The following GRAMD1C variants were observed in gnomAD, a reference collection of about 807,000 sequenced individuals.
The protein encoded by GRAMD1C is protein Aster-C.
GRAMD1C carries 89 observed loss-of-function variants against 97.8 expected under a neutral mutation model. The observed-to-expected ratio is 0.91, with a 90% CI of 0.77 to 1.09. The LOEUF (loss-of-function observed/expected upper bound fraction) is 1.09. Ranked by LOEUF, GRAMD1C falls within the 50% of genes least tolerant of loss-of-function variation. The pLI is 0.00. For synonymous variants in GRAMD1C, 256 were observed against 267.0 expected, an observed-to-expected ratio of 0.96 and a Z score of 0.40; for missense variants, 740 against 766.4, an observed-to-expected ratio of 0.97 and a Z score of 0.41.
intron 2 of GRAMD1C, among the ~76,000 whole-genome samples, chr3:113,851,485 T>C (rs1933900394): frequency 1.3e-5 from 2 of 151,884 alleles, no homozygotes; most frequent in Non-Finnish European, 2.9e-5. Flanking sequence ...TATTTATATT[T>C]GAATTTTTCT....
chr3:113,931,158 T>C (rs959010849), intron 11 of GRAMD1C, among the ~76,000 whole-genome samples: 1 of 152,116 alleles, frequency 6.6e-6, no homozygotes, highest in Non-Finnish European at 1.5e-5. Flanking sequence ...TAAAGAGATA[T>C]AGTGAAGTAT....
chr3:113,876,621 C>T (rs1024653219), intron 5 of GRAMD1C, among the ~76,000 whole-genome samples: 14 of 152,010 alleles, frequency 9.2e-5, no homozygotes, highest in African/African-American at 3.1e-4. Flanking sequence ...GAGATTTGGA[C>T]AGCATACACA....
intron 2 of GRAMD1C, among the ~76,000 whole-genome samples, chr3:113,845,198 T>A (rs1359856452): frequency 6.6e-6 from 1 of 152,204 alleles, no homozygotes; most frequent in East Asian, 1.9e-4. Flanking sequence ...TTAGGCACAT[T>A]AAGATCTTAG....
At chr3:113,849,660 A>G (rs1434449664) in intron 2 of GRAMD1C, among the ~76,000 whole-genome samples, 1 of 152,200 alleles carries the variant, frequency 6.6e-6, no homozygotes, top group Admixed American at 6.5e-5. Flanking sequence ...TTTTCTTAGT[A>G]CAGAACAAAA....
At chr3:113,843,220 G>A (rs376507625) in intron 1 of GRAMD1C, among the ~76,000 whole-genome samples, 3 of 151,718 alleles carry the variant, frequency 2.0e-5, no homozygotes, top group African/African-American at 4.8e-5. Context: ...GACAATAGGC[G>A]CATGCCACCA....
At chr3:113,886,733 A>G (rs1935497010) in intron 6 of GRAMD1C, among the ~76,000 whole-genome samples, 1 of 151,920 alleles carries the variant, frequency 6.6e-6, no homozygotes, top group South Asian at 2.1e-4. Context: ...ATAGAAAAAT[A>G]GACAATTCAG....
chr3:113,842,290 C>T (rs1362823455), intron 1 of GRAMD1C, among the ~76,000 whole-genome samples: 1 of 152,128 alleles, frequency 6.6e-6, no homozygotes, highest in African/African-American at 2.4e-5. Flanking sequence ...TTGATTAAAG[C>T]CATGAAGATT....
chr3:113,828,718 C>G (rs181983968), intron 1 of GRAMD1C, among the ~76,000 whole-genome samples: 13 of 152,076 alleles, frequency 8.5e-5, no homozygotes, highest in Non-Finnish European at 1.6e-4. Flanking sequence ...TTCTTCTACC[C>G]TACTCTTTCT....
At chr3:113,837,122 CTCTT>C (rs1559770649), upstream of GRAMD1C, among the ~76,000 whole-genome samples, 3 of 151,162 alleles carry the variant, frequency 2.0e-5, no homozygotes, top group African/African-American at 4.9e-5. Context: ...CCCTCTCTCT[CTCTT>C]TCTTTCTCTC....
In GRAMD1C at chr3:113,915,818, C is replaced by G. The variant is rs898665303; in HGVS notation, c.1070C>G (p.Ala357Gly). The part of the protein sequence containing the change: ...FTSSRFMQKF[A>G]SSRNIIDVVS... ...AGTTCACGCTTTATGCAGAAATTTG[C>G]CAGTTCTAGAAATATAATAGGTTAG... The change falls in exon 10 of 18, where the codon GCC (alanine) becomes GGC (glycine). Residue 357 changes from alanine (A) to glycine (G), a missense_variant. By Grantham distance (60) the Ala-to-Gly change is moderately conservative. Coordinates refer to ENST00000358160, the MANE Select transcript of GRAMD1C (RefSeq NM_017577.5). The G allele has an allele frequency of 2.5e-6, 4 of 1,610,130 alleles. No homozygotes were observed. The highest frequency in any genetic ancestry group is 1.3e-5 in the African/African-American group (1 of 74,814).
intron 13 of GRAMD1C, among the ~76,000 whole-genome samples, chr3:113,934,835 G>A (rs533877674): frequency 3.7e-4 from 56 of 152,092 alleles, no homozygotes; most frequent in African/African-American, 1.3e-3. Context: ...CCTCCGCCTC[G>A]TGAGTTCAAG....
intron 17 of GRAMD1C, 88 bp from the exon 18 acceptor site, chr3:113,945,310 T>C: frequency 1.3e-6 from 1 of 751,322 alleles, no homozygotes; most frequent in Non-Finnish European, 2.4e-6. Flanking sequence ...ATATTAAGTG[T>C]CACTGTAAAT....
intron 9 of GRAMD1C, among the ~76,000 whole-genome samples, chr3:113,911,699 C>CCTTTCTTCCTTCCTTCTTTCT (rs1936590719): frequency 2.8e-5 from 2 of 72,672 alleles, no homozygotes; most frequent in East Asian, 5.8e-4. Flanking sequence ...CTGTTTCTTT[C>CCTTTCTTCCTTCCTTCTTTCT]CTTCCTTCCT....
chr3:113,916,610 T>G (rs1577202138), intron 10 of GRAMD1C, among the ~76,000 whole-genome samples: 1 of 152,256 alleles, frequency 6.6e-6, no homozygotes, highest in East Asian at 1.9e-4. Flanking sequence ...GTCAGGTAGG[T>G]GAAGACTGGG....
chr3:113,837,467 A>G (rs1479841306), upstream of GRAMD1C, among the ~76,000 whole-genome samples: 1 of 152,222 alleles, frequency 6.6e-6, no homozygotes, highest in African/African-American at 2.4e-5. Context: ...CAGACCTAAT[A>G]CATCAATCAA....
chr3:113,933,602 C>T lies in GRAMD1C; in HGVS notation c.1301C>T (p.Thr434Ile). 1 of 1,604,226 alleles carries T rather than the reference C, an allele frequency of 6.2e-7. No homozygotes were observed. The highest frequency in any genetic ancestry group is 8.5e-7 in the Non-Finnish European group (1 of 1,171,076). Residue 434 changes from threonine (T) to isoleucine (I), a missense_variant, in exon 12 of 18, where the codon ACC becomes ATC. Transcript: ENST00000358160. ...GTCCCCTACCATGATTACTTCTATACCGTGAACAGATACTGTATCATCCGA... is the reference window on the plus strand; with the variant it reads ...GTCCCCTACCATGATTACTTCTATATCGTGAACAGATACTGTATCATCCGA... ...HDVPYHDYFY[T>I]VNRYCIIRSS...
In GRAMD1C at chr3:113,868,508, A is replaced by C. The variant is rs76385403; in HGVS notation, c.175-999A>C. ...AATTTGCCTAGAGTAAATTTATGAAATCTGTTTGTCCTGTGGCATGTGTCT... is the reference window on the plus strand; with the variant it reads ...AATTTGCCTAGAGTAAATTTATGAACTCTGTTTGTCCTGTGGCATGTGTCT... On this transcript the variant is annotated intron_variant, in intron 2 of 17. Transcript: ENST00000358160. 1.1e-4 allele frequency among the ~76,000 whole-genome samples: 17 copies of C among 152,150 alleles called. No homozygotes were observed. In the East Asian group the frequency reaches 3.3e-3, roughly 29 times the overall value.
intron 7 of GRAMD1C, among the ~76,000 whole-genome samples, chr3:113,903,867 G>C (rs1464860819): frequency 1.3e-5 from 2 of 152,000 alleles, no homozygotes; most frequent in Non-Finnish European, 2.9e-5. Flanking sequence ...CATTTGATTA[G>C]TTACTGTTAC....
chr3:113,869,105 A>C (rs368495539), intron 2 of GRAMD1C, among the ~76,000 whole-genome samples: 19 of 152,232 alleles, frequency 1.2e-4, no homozygotes, highest in African/African-American at 4.6e-4. Flanking sequence ...ACTACCACAA[A>C]GACTTAACAG....
Sources: gnomAD v4.1 joint callset for allele counts (sites outside exome capture counted in the v4.1 genomes callset) on GRCh38, gnomAD v4.1.1 for gene constraint, MANE v1.5 for transcripts, NCBI Gene and HGNC (gene_info 2026-07-23, HGNC 2026-07-21) for gene names.